Variants in CALN1 observed in about 807,000 individuals in gnomAD.
CALN1 encodes calneuron 1, also known as calcium-binding protein 8.
Under a neutral mutation model 30.6 loss-of-function variants are expected in CALN1, and 17 were observed. The observed-to-expected ratio is 0.56, with a 90% CI of 0.38 to 0.83. CALN1 has a LOEUF of 0.83. Ranked by LOEUF, CALN1 falls within the 40% of genes least tolerant of loss-of-function variation. CALN1 has a pLI of 0.00. For synonymous variants in CALN1, 156 were observed against 131.4 expected, an observed-to-expected ratio of 1.19 and a Z score of -1.28; for missense variants, 291 against 354.9, an observed-to-expected ratio of 0.82 and a Z score of 1.45.
intron 2 of CALN1, among the ~76,000 whole-genome samples, chr7:72,343,658 G>T (rs921899243): frequency 6.6e-6 from 1 of 152,148 alleles, no homozygotes; most frequent in Admixed American, 6.5e-5. Context: ...GATTTTTCCA[G>T]ATGCCTATGA....
At chr7:72,238,680 G>A (rs1299120389) in intron 3 of CALN1, among the ~76,000 whole-genome samples, 3 of 152,070 alleles carry the variant, frequency 2.0e-5, no homozygotes, top group African/African-American at 7.2e-5. Context: ...TTTTTAAGGG[G>A]CTTTTCCCCT....
chr7:72,291,605 T>C (rs1315471558), intron 2 of CALN1, among the ~76,000 whole-genome samples: 1 of 152,220 alleles, frequency 6.6e-6, no homozygotes, highest in East Asian at 1.9e-4. Flanking sequence ...TTGTAGCCAT[T>C]GATCTGGGAA....
intron 3 of CALN1, among the ~76,000 whole-genome samples, chr7:72,260,280 T>C (rs1328833352): frequency 6.6e-6 from 1 of 152,200 alleles, no homozygotes; most frequent in African/African-American, 2.4e-5. Context: ...AAGCATGGAT[T>C]AGCAACTGAT....
chr7:72,086,107 G>A (rs1805467039), intron 4 of CALN1, among the ~76,000 whole-genome samples: 1 of 152,170 alleles, frequency 6.6e-6, no homozygotes, highest in African/African-American at 2.4e-5. Flanking sequence ...ATACATTTAT[G>A]TTAATACATA....
intron 5 of CALN1, among the ~76,000 whole-genome samples, chr7:71,928,473 C>T (rs1053960226): frequency 4.0e-5 from 6 of 151,160 alleles, no homozygotes; most frequent in East Asian, 3.9e-4. Flanking sequence ...AAGGTCTGTC[C>T]GTGTTTTGTA....
At chr7:72,133,388 TA>T (rs1809293537) in intron 3 of CALN1, among the ~76,000 whole-genome samples, 1 of 152,130 alleles carries the variant, frequency 6.6e-6, no homozygotes, top group African/African-American at 2.4e-5. Flanking sequence ...AAATAGGAAT[TA>T]AAGAGTCCAT....
chr7:72,217,621 C>G (rs565190349), intron 3 of CALN1, among the ~76,000 whole-genome samples: 1 of 151,832 alleles, frequency 6.6e-6, no homozygotes, highest in Non-Finnish European at 1.5e-5. Context: ...GGAAGAAGGA[C>G]GATTTCACAG....
intron 1 of CALN1, among the ~76,000 whole-genome samples, chr7:72,404,218 A>G (rs561362408): frequency 1.3e-5 from 2 of 152,204 alleles, no homozygotes; most frequent in South Asian, 4.2e-4. Flanking sequence ...TTCTACTGTC[A>G]TTTGTCCACA....
chr7:72,282,224 C>T (rs1797774588), intron 2 of CALN1, among the ~76,000 whole-genome samples: 1 of 152,188 alleles, frequency 6.6e-6, no homozygotes. Flanking sequence ...CAAAGATAAA[C>T]CTTGTCCTGA....
At chr7:72,413,626 TCTCA>T (rs1217117960), upstream of CALN1, among the ~76,000 whole-genome samples, 1 of 150,494 alleles carries the variant, frequency 6.6e-6, no homozygotes, top group African/African-American at 2.5e-5. Context: ...ATATATACAC[TCTCA>T]CTACACATAC....
chr7:71,920,330 C>CTTT (rs71092931), intron 5 of CALN1, among the ~76,000 whole-genome samples: 87 of 98,712 alleles, frequency 8.8e-4, no homozygotes, highest in African/African-American at 1.2e-3. Context: ...CAAATTAGTT[C>CTTT]TTTTTTTTTT....
intron 5 of CALN1, among the ~76,000 whole-genome samples, chr7:71,964,300 C>A (rs2129525515): frequency 6.6e-6 from 1 of 152,224 alleles, no homozygotes; most frequent in African/African-American, 2.4e-5. Flanking sequence ...TGGGCTCTGA[C>A]CCCACAGCAG....
intron 5 of CALN1, among the ~76,000 whole-genome samples, chr7:71,872,202 T>G (rs1489403012): frequency 6.6e-6 from 1 of 152,156 alleles, no homozygotes; most frequent in Non-Finnish European, 1.5e-5. Flanking sequence ...ATAATACCCC[T>G]GATTGACTTA....
chr7:71,820,111 C>G (rs1788505714), intron 5 of CALN1, among the ~76,000 whole-genome samples: 1 of 152,214 alleles, frequency 6.6e-6, no homozygotes. Context: ...TCTATTCTCT[C>G]TGCAGCCTGC....
chr7:71,955,847 G>A (rs932813580), intron 5 of CALN1, among the ~76,000 whole-genome samples: 3 of 152,000 alleles, frequency 2.0e-5, no homozygotes, highest in African/African-American at 7.2e-5. Flanking sequence ...GAAGTAGAAT[G>A]TACTCTAAGA....
At chr7:71,888,983 G>A (rs985194274) in intron 5 of CALN1, among the ~76,000 whole-genome samples, 2 of 152,222 alleles carry the variant, frequency 1.3e-5, no homozygotes, top group Non-Finnish European at 2.9e-5. Context: ...GCAGTGTGGT[G>A]AGGAGATCAG....
chr7:72,035,366 T>C (rs1371230308), intron 4 of CALN1, among the ~76,000 whole-genome samples: 1 of 147,006 alleles, frequency 6.8e-6, no homozygotes, highest in Non-Finnish European at 1.5e-5. Context: ...TAGAATCATG[T>C]CCTTTTTGTG....
chr7:72,178,915 G>A (rs1448286763), intron 3 of CALN1, among the ~76,000 whole-genome samples: 2 of 152,106 alleles, frequency 1.3e-5, no homozygotes, highest in African/African-American at 2.4e-5. Context: ...TGGGTTTTCC[G>A]TGTTTTCAAT....
At chr7:72,149,517 C>T (rs972329436) in intron 3 of CALN1, among the ~76,000 whole-genome samples, 16 of 151,988 alleles carry the variant, frequency 1.1e-4, no homozygotes, top group African/African-American at 3.9e-4. Flanking sequence ...CTATAAATTA[C>T]CCAGCCTCAG....
Sources: allele counts gnomAD v4.1 joint callset (sites outside exome capture counted in the v4.1 genomes callset), GRCh38; gene constraint gnomAD v4.1.1; transcripts MANE v1.5; gene names NCBI Gene and HGNC (gene_info 2026-07-23, HGNC 2026-07-21).